The following MSRB1 variants were observed in gnomAD, a reference collection of about 807,000 sequenced individuals.
The protein encoded by MSRB1 is methionine-R-sulfoxide reductase B1.
MSRB1 carries 13 observed loss-of-function variants against 15.2 expected under a neutral mutation model. The ratio of observed to expected loss-of-function variants is 0.86; its 90% CI spans 0.56 to 1.36. The LOEUF (loss-of-function observed/expected upper bound fraction) is 1.36, where lower values mean the gene tolerates loss of function less well. Ranked by LOEUF, MSRB1 falls within the 40% of genes most tolerant of loss-of-function variation. The pLI, the probability that MSRB1 is intolerant of heterozygous loss-of-function variation, is 0.00. For missense variants in MSRB1, 174 were observed against 155.9 expected (o/e 1.12, Z -0.62); for synonymous variants, 68 against 64.5 (o/e 1.05, Z -0.26).
chr16:1,943,121 GA>G lies in MSRB1; in HGVS notation c.35del (p.Phe12SerfsTer56). 2 of 1,561,780 alleles carry G rather than the reference GA, an allele frequency of 1.3e-6. No individual in the cohort carries two copies. Among genetic ancestry groups the G allele is most frequent in the Admixed American group, 1.9e-5 (1 of 52,818 alleles). The stretch of plus-strand genomic sequence containing the variant: ...ACCAACCAGGTTCAAAGTGATTCTG[GA>G]AAACCTCGCCCCCGAAGAAGCTGCA... ...SFCSFFGGEV[F>X]QNHFEPGVYV... On this transcript the variant is annotated frameshift_variant, in exon 1 of 4. Transcript: ENST00000361871. LOFTEE classifies it high-confidence loss of function.
At chr16:1,940,547 C>T (rs1057215033) in intron 3 of MSRB1, among the ~76,000 whole-genome samples, 6 of 152,272 alleles carry the variant, frequency 3.9e-5, no homozygotes, top group Admixed American at 2.6e-4. Context: ...CATTCTCACG[C>T]TGAAGCCCCT....
rs1415839831 is a variant in MSRB1 at position 1,938,797 on chromosome 16, C to T, written c.*315G>A. 5.6e-5 allele frequency: 26 copies of T among 461,704 alleles called. No homozygotes were observed. Among genetic ancestry groups the T allele is most frequent in the Middle Eastern group, 1.2e-3 (2 of 1,678 alleles). The allele number at this position is 461,704 out of a possible 1,614,324, so 28.6% of individuals were successfully genotyped here. A position where few individuals can be genotyped will look rare whatever the true frequency, so the allele number is the denominator to read the frequency against. ...CCAGGAAAAGAAGGTGAGGGTGTAA[C>T]GTCATTCAGAGACCAGCTGCACCCA... On this transcript the variant is annotated 3_prime_UTR_variant, in exon 4 of 4. Transcript: ENST00000361871.
At chr16:1,941,143 A>C in intron 2 of MSRB1, 114 bp downstream of exon 2, 1 of 1,556,278 alleles carries the variant, frequency 6.4e-7, no homozygotes. Context: ...ACAGGCCTGG[A>C]ATAGACGCCT....
In MSRB1 at chr16:1,939,896, T is replaced by C. The variant is rs891941396; in HGVS notation, c.320-753A>G. 5.2e-4 allele frequency among the ~76,000 whole-genome samples: 79 copies of C among 151,532 alleles called. No homozygotes were observed. The Middle Eastern group carries it at 0.017, about 33-fold the overall frequency. Reference sequence around the variant, plus strand: ...TTGAACCTGGGAAGCAGAGGCTACATTGAGCTGAGATTGGCCATTGCACTC... The same window carrying C: ...TTGAACCTGGGAAGCAGAGGCTACACTGAGCTGAGATTGGCCATTGCACTC... On this transcript the variant is annotated intron_variant, in intron 3 of 3. Transcript: ENST00000361871.
At chr16:1,940,204 G>GAGGTT (rs570157882) in intron 3 of MSRB1, among the ~76,000 whole-genome samples, 101 of 151,986 alleles carry the variant, frequency 6.6e-4, no homozygotes, top group African/African-American at 2.2e-3. Flanking sequence ...CCAGGAGGCA[G>GAGGTT]AGGTTGCAGT....
At chr16:1,940,992 C>A in intron 2 of MSRB1, 100 bp from the exon 3 acceptor site, 1 of 1,577,172 alleles carries the variant, frequency 6.3e-7, no homozygotes. Context: ...TCCCACACGC[C>A]TATTTCCCAA....
At chr16:1,943,045 C>T (rs1163348593) in intron 1 of MSRB1, 57 bp downstream of exon 1, 3 of 1,544,144 alleles carry the variant, frequency 1.9e-6, no homozygotes, top group African/African-American at 1.4e-5. Flanking sequence ...GGCGGCGCCC[C>T]CGCTAATGCG....
At chr16:1,939,773 G>A (rs1241019868) in intron 3 of MSRB1, among the ~76,000 whole-genome samples, 1 of 152,064 alleles carries the variant, frequency 6.6e-6, no homozygotes, top group African/African-American at 2.4e-5. Flanking sequence ...GGCTAACATG[G>A]TGAAACCCCG....
intron 1 of MSRB1, 90 bp from the exon 2 acceptor site, chr16:1,941,495 C>T (rs2083077148): frequency 6.8e-7 from 1 of 1,472,558 alleles, no homozygotes; most frequent in African/African-American, 1.4e-5. Flanking sequence ...GCAAAGACAG[C>T]GCTGCCCCCG....
At position 1,943,173 on chromosome 16, in the gene MSRB1, C is replaced by A; in HGVS notation, c.-17G>T. 6.4e-7 allele frequency: 1 copy of A among 1,555,086 alleles called. No homozygotes were observed. ...GAACGACATGGCGCCACCGGAACCG[C>A]AGCGCGCTTGCCGCTGCCAACTGAC... On this transcript the variant is annotated 5_prime_UTR_variant, in exon 1 of 4. Transcript: ENST00000361871.
chr16:1,938,348 T>C lies in MSRB1; in HGVS notation c.*764A>G, dbSNP rs141997518. ...TCCTATATGGCCAGGCCTCCGAGCATGTACAGTAAGGCACAGTCACCACAC... is the reference window on the plus strand; with the variant it reads ...TCCTATATGGCCAGGCCTCCGAGCACGTACAGTAAGGCACAGTCACCACAC... On this transcript the variant is annotated 3_prime_UTR_variant, in exon 4 of 4. Coordinates refer to ENST00000361871, the MANE Select transcript of MSRB1 (RefSeq NM_016332.4). The C allele has an allele frequency of 2.6e-5, 4 of 152,434 alleles. No individual in the cohort carries two copies. Among genetic ancestry groups the C allele is most frequent in the African/African-American group, 4.8e-5 (2 of 41,580 alleles). The allele number at this position is 152,434 out of a possible 1,614,324, so 9.4% of individuals were successfully genotyped here.
Position 1,941,768 on chromosome 16 carries a change from T to C in MSRB1, c.56-363A>G, listed in dbSNP as rs2083079021. ...CGGAGCTCCCCCTCGCCCCCCTAGT[T>C]CCCCCAGGAACATAGAGGGCAGGGG... On this transcript the variant is annotated intron_variant, in intron 1 of 3. Coordinates refer to ENST00000361871, the MANE Select transcript of MSRB1 (RefSeq NM_016332.4). 2.1e-5 allele frequency: 5 copies of C among 236,240 alleles called. No individual in the cohort carries two copies. The Admixed American group carries it at 2.6e-4, about 12-fold the overall frequency. 14.6% of individuals were successfully genotyped at this position (236,240 alleles called of 1,614,324 possible). A position where few individuals can be genotyped will look rare whatever the true frequency, so the allele number is the denominator to read the frequency against.
chr16:1,940,123 T>A (rs1439825179), intron 3 of MSRB1, among the ~76,000 whole-genome samples: 9 of 151,716 alleles, frequency 5.9e-5, no homozygotes, highest in Non-Finnish European at 4.4e-5. Context: ...AATACAAAAA[T>A]TAGCTGGGCG....
chr16:1,939,263 A>G, intron 3 of MSRB1, 120 bp from the exon 4 acceptor site: 2 of 1,160,584 alleles, frequency 1.7e-6, no homozygotes, highest in Non-Finnish European at 2.4e-6. Flanking sequence ...ACTGCAAGGC[A>G]GAGCTTCAGG....
Position 1,943,153 on chromosome 16 carries a change from A to T in MSRB1, c.4T>A (p.Ser2Thr). The T allele has an allele frequency of 6.4e-7, 1 of 1,559,996 alleles. No homozygotes were observed. The highest frequency in any genetic ancestry group is 8.7e-7 in the Non-Finnish European group (1 of 1,152,112). ...TCGCCCCCGAAGAAGCTGCAGAACG[A>T]CATGGCGCCACCGGAACCGCAGCGC... M[S>T]FCSFFGGEVF... The change falls in exon 1 of 4, where the codon TCG (serine) becomes ACG (threonine). Residue 2 changes from serine to threonine, a missense_variant. Transcript: ENST00000361871.
chr16:1,941,007 A>G, intron 2 of MSRB1, 115 bp from the exon 3 acceptor site: 2 of 1,561,328 alleles, frequency 1.3e-6, no homozygotes, highest in Non-Finnish European at 1.7e-6. Context: ...TCCCAAGCTG[A>G]CCGCCGACAT....
At position 1,938,448 on chromosome 16, in the gene MSRB1, C is replaced by G. The variant is rs1324357287; in HGVS notation, c.*664G>C. 6.5e-6 allele frequency: 1 copy of G among 154,312 alleles called. No individual in the cohort carries two copies. Among genetic ancestry groups the G allele is most frequent in the Non-Finnish European group, 1.4e-5 (1 of 69,236 alleles). 9.6% of individuals were successfully genotyped at this position (154,312 alleles called of 1,614,324 possible). A position where few individuals can be genotyped will look rare whatever the true frequency, so the allele number is the denominator to read the frequency against. On this transcript the variant is annotated 3_prime_UTR_variant, in exon 4 of 4. Coordinates refer to ENST00000361871, the MANE Select transcript of MSRB1 (RefSeq NM_016332.4). ...CTGGTTAGAGTTATGGAGCAACAGC[C>G]GCTTTCCTAAGCAGAAGTGAGGCAA...
intron 1 of MSRB1, among the ~76,000 whole-genome samples, 168 bp downstream of exon 1, chr16:1,942,934 C>T (rs1281275527): frequency 6.6e-6 from 1 of 152,034 alleles, no homozygotes; most frequent in African/African-American, 2.4e-5. Context: ...CGCCCCCAGG[C>T]TCCCCACTCC....
At position 1,940,909 on chromosome 16, in the gene MSRB1, G is replaced by C. The variant is rs777570742; in HGVS notation, c.205-17C>G. On this transcript the variant is annotated splice_polypyrimidine_tract_variant and intron_variant, in intron 2 of 3. Coordinates refer to ENST00000361871, the MANE Select transcript of MSRB1 (RefSeq NM_016332.4). ...ACAGGACACCTGGAAAGATCACAAG[G>C]CAGCTGGGTGAGCTTCTGGCCATGA... The C allele has an allele frequency of 6.2e-7, 1 of 1,614,014 alleles. No individual in the cohort carries two copies. The highest frequency in any genetic ancestry group is 8.5e-7 in the Non-Finnish European group (1 of 1,179,982).
Sources: gnomAD v4.1 joint callset for allele counts (sites outside exome capture counted in the v4.1 genomes callset) on GRCh38, gnomAD v4.1.1 for gene constraint, MANE v1.5 for transcripts, NCBI Gene and HGNC (gene_info 2026-07-23, HGNC 2026-07-21) for gene names.